LYN: variants seen among roughly 807,000 people sequenced by gnomAD.
The protein encoded by LYN is tyrosine-protein kinase Lyn.
LYN carries 12 observed loss-of-function variants against 65.0 expected under a neutral mutation model. The observed-to-expected ratio is 0.18, with a 90% CI of 0.12 to 0.30. The LOEUF is 0.30. Ranked by LOEUF, LYN falls within the 10% of genes least tolerant of loss-of-function variation. LYN has a pLI of 1.00. For synonymous variants in LYN, 222 were observed against 221.2 expected, an observed-to-expected ratio of 1.00 and a Z score of -0.03; for missense variants, 380 against 623.2, an observed-to-expected ratio of 0.61 and a Z score of 4.16.
chr8:55,973,757 C>G (rs181721854), intron 10 of LYN, among the ~76,000 whole-genome samples: 1 of 152,278 alleles, frequency 6.6e-6, no homozygotes, highest in East Asian at 1.9e-4. Context: ...AAAAATGGAA[C>G]AATTGTTTGT....
intron 10 of LYN, among the ~76,000 whole-genome samples, chr8:55,981,093 G>C (rs1807905368): frequency 6.6e-6 from 1 of 151,912 alleles, no homozygotes; most frequent in Non-Finnish European, 1.5e-5. Flanking sequence ...TGATTCCTCA[G>C]CACTGAGCCC....
rs113325751 is a variant in LYN at position 55,952,181 on chromosome 8, C to T, written c.637+66C>T. The T allele has an allele frequency of 2.6e-4, 341 of 1,326,184 alleles. 1 individual carries two copies. In the African/African-American group the frequency reaches 3.9e-3, roughly 15 times the overall value. The allele number at this position is 1,326,184 out of a possible 1,614,324, so 82.2% of individuals were successfully genotyped here. On this transcript the variant is annotated intron_variant, in intron 7 of 12. Transcript: ENST00000519728. ...GTTATGATATGTATAAGACGTCAAA[C>T]GCTATTTTTATATTAAAACTTTTTA...
At chr8:56,009,460 C>T (rs370925398) in intron 12 of LYN, among the ~76,000 whole-genome samples, 8 of 152,196 alleles carry the variant, frequency 5.3e-5, no homozygotes, top group South Asian at 2.1e-4. Context: ...TTTATTTTTC[C>T]GGGGTTCTGG....
chr8:55,902,334 T>TCTTTCTTTC (rs375257874), intron 1 of LYN, among the ~76,000 whole-genome samples: 7 of 148,864 alleles, frequency 4.7e-5, no homozygotes, highest in Admixed American at 6.7e-5. Context: ...TTTCTTTCTT[T>TCTTTCTTTC]TTTTTTTTTT....
chr8:55,978,749 G>A (rs1283652181), intron 10 of LYN, among the ~76,000 whole-genome samples: 1 of 152,216 alleles, frequency 6.6e-6, no homozygotes, highest in Admixed American at 6.5e-5. Flanking sequence ...CGCAGTCAGA[G>A]AGCAGGGAAA....
intron 10 of LYN, among the ~76,000 whole-genome samples, chr8:55,987,294 G>C (rs891555711): frequency 1.3e-5 from 2 of 151,760 alleles, no homozygotes; most frequent in Non-Finnish European, 2.9e-5. Context: ...GTAGGTCCCA[G>C]CTACTGGGGA....
chr8:55,943,826 T>TAATCCC (rs1007982455), intron 2 of LYN, among the ~76,000 whole-genome samples: 7 of 152,092 alleles, frequency 4.6e-5, no homozygotes, highest in Non-Finnish European at 1.0e-4. Flanking sequence ...CTCATGCCTG[T>TAATCCC]AATCCCAGCA....
At chr8:55,963,970 G>A (rs1051922171) in intron 8 of LYN, among the ~76,000 whole-genome samples, 2 of 152,046 alleles carry the variant, frequency 1.3e-5, no homozygotes, top group Admixed American at 6.6e-5. Context: ...AAACCTTTTT[G>A]ATTTAAATGT....
At chr8:56,009,885 CT>C (rs1239124515) in intron 12 of LYN, 22 bp from the exon 13 acceptor site, 3 of 1,608,006 alleles carry the variant, frequency 1.9e-6, no homozygotes, top group East Asian at 2.2e-5. Flanking sequence ...GGTTTCTGTT[CT>C]TTTTGTTTTT....
intron 8 of LYN, among the ~76,000 whole-genome samples, chr8:55,966,391 G>A (rs577875611): frequency 1.5e-4 from 22 of 149,000 alleles, no homozygotes; most frequent in South Asian, 4.2e-4. Flanking sequence ...TAATTGAGAC[G>A]GAGTCGCACT....
chr8:56,000,149 A>G (rs1808475028), intron 12 of LYN, among the ~76,000 whole-genome samples: 1 of 152,170 alleles, frequency 6.6e-6, no homozygotes, highest in Admixed American at 6.5e-5. Flanking sequence ...GAGGATGGAT[A>G]GACACAGGGG....
chr8:56,001,918 C>T (rs1479515287), intron 12 of LYN, among the ~76,000 whole-genome samples: 1 of 152,126 alleles, frequency 6.6e-6, no homozygotes, highest in African/African-American at 2.4e-5. Context: ...CATGTGCCTC[C>T]CAAGACCCCT....
chr8:55,920,292 C>T (rs1805906856), intron 1 of LYN, among the ~76,000 whole-genome samples: 1 of 152,072 alleles, frequency 6.6e-6, no homozygotes, highest in African/African-American at 2.4e-5. Flanking sequence ...AAAATTACAC[C>T]GCTTTCTTTG....
At chr8:55,995,775 G>A (rs139817386) in intron 10 of LYN, among the ~76,000 whole-genome samples, 4 of 152,316 alleles carry the variant, frequency 2.6e-5, no homozygotes, top group Non-Finnish European at 5.9e-5. Context: ...GGAGGGCTGA[G>A]CCGGGGCCGG....
intron 1 of LYN, among the ~76,000 whole-genome samples, chr8:55,898,757 T>G (rs1805185527): frequency 6.6e-6 from 1 of 152,210 alleles, no homozygotes. Context: ...CCCTCACTAC[T>G]CTCTTCCCCT....
At chr8:55,888,930 G>A (rs536429318) in intron 1 of LYN, among the ~76,000 whole-genome samples, 1 of 152,278 alleles carries the variant, frequency 6.6e-6, no homozygotes, top group East Asian at 1.9e-4. Flanking sequence ...TTGTCTTTCA[G>A]AACCACACTG....
chr8:55,978,758 A>G (rs1807833292), intron 10 of LYN, among the ~76,000 whole-genome samples: 1 of 152,130 alleles, frequency 6.6e-6, no homozygotes, highest in African/African-American at 2.4e-5. Context: ...AGAGCAGGGA[A>G]ACTGCCACGG....
At chr8:55,950,042 G>A (rs948228299) in intron 4 of LYN, among the ~76,000 whole-genome samples, 6 of 152,120 alleles carry the variant, frequency 3.9e-5, no homozygotes, top group African/African-American at 1.4e-4. Flanking sequence ...CTTTTTGACT[G>A]CCTTCTTTTA....
intron 10 of LYN, among the ~76,000 whole-genome samples, chr8:55,976,815 G>A (rs1807768405): frequency 6.6e-6 from 1 of 152,166 alleles, no homozygotes; most frequent in Non-Finnish European, 1.5e-5. Context: ...TAAAGGCACA[G>A]AAAAGGAGTA....
Sources: gnomAD v4.1 joint callset for allele counts (sites outside exome capture counted in the v4.1 genomes callset) on GRCh38, gnomAD v4.1.1 for gene constraint, MANE v1.5 for transcripts, NCBI Gene and HGNC (gene_info 2026-07-23, HGNC 2026-07-21) for gene names.